SLIT3: variants seen among roughly 807,000 people sequenced by gnomAD.
The protein encoded by SLIT3 is slit homolog 3 protein.
Under a neutral mutation model 184.0 loss-of-function variants are expected in SLIT3, and 68 were observed. The ratio of observed to expected loss-of-function variants is 0.37; its 90% CI spans 0.30 to 0.45. The LOEUF is 0.45. Ranked by LOEUF, SLIT3 falls within the 20% of genes least tolerant of loss-of-function variation. The pLI, the probability that SLIT3 is intolerant of heterozygous loss-of-function variation, is 1.00. For missense variants in SLIT3, 1,707 were observed against 2,026.0 expected (o/e 0.84, Z 3.02); for synonymous variants, 831 against 828.6 (o/e 1.00, Z -0.05).
At chr5:169,223,972 G>C (rs1206866836) in intron 3 of SLIT3, among the ~76,000 whole-genome samples, 2 of 152,188 alleles carry the variant, frequency 1.3e-5, no homozygotes, top group Non-Finnish European at 1.5e-5. Context: ...GTACACAAAA[G>C]AAACAGGCTT....
intron 17 of SLIT3, 69 bp from the exon 18 acceptor site, chr5:168,753,167 GGTGT>G (rs376176223): frequency 9.1e-6 from 14 of 1,532,918 alleles, no homozygotes; most frequent in East Asian, 2.3e-5. Flanking sequence ...GTGCCACGGT[GGTGT>G]GTGTGTGTGT....
intron 4 of SLIT3, among the ~76,000 whole-genome samples, chr5:169,135,931 G>A (rs537476158): frequency 1.1e-4 from 17 of 152,288 alleles, no homozygotes; most frequent in African/African-American, 3.6e-4. Context: ...TCACCATCTC[G>A]TCCTGTCTCT....
At chr5:168,718,735 CTCTCTCTCTCTCTT>C (rs921881491) in intron 23 of SLIT3, among the ~76,000 whole-genome samples, 7 of 150,252 alleles carry the variant, frequency 4.7e-5, no homozygotes, top group Non-Finnish European at 5.9e-5. Context: ...CACACATTCT[CTCTCTCTCTCTCTT>C]TCTCTCTCTC....
At chr5:168,883,550 C>G (rs753990634) in intron 4 of SLIT3, among the ~76,000 whole-genome samples, 19 of 152,222 alleles carry the variant, frequency 1.2e-4, no homozygotes, top group African/African-American at 4.1e-4. Flanking sequence ...CGGAGCAGCT[C>G]GCCTCCAGGG....
chr5:169,187,568 T>TAC (rs1561724290), intron 4 of SLIT3, among the ~76,000 whole-genome samples: 43 of 95,386 alleles, frequency 4.5e-4, no homozygotes, highest in African/African-American at 1.8e-3. Context: ...TCTTTTTTTT[T>TAC]TTTTTTGAGA....
intron 4 of SLIT3, among the ~76,000 whole-genome samples, chr5:168,930,728 C>T (rs1323120718): frequency 6.6e-6 from 1 of 152,000 alleles, no homozygotes; most frequent in African/African-American, 2.4e-5. Flanking sequence ...CTGGAGAGCG[C>T]TTGGCAGCTG....
intron 1 of SLIT3, among the ~76,000 whole-genome samples, chr5:169,279,944 G>A (rs976637379): frequency 2.6e-5 from 4 of 152,218 alleles, no homozygotes; most frequent in East Asian, 1.9e-4. Context: ...CAGTCACCAC[G>A]CTTGCTTTTG....
intron 3 of SLIT3, among the ~76,000 whole-genome samples, chr5:169,234,618 G>A (rs550707126): frequency 6.6e-6 from 1 of 152,186 alleles, no homozygotes; most frequent in East Asian, 1.9e-4. Context: ...AGGTTGGCCA[G>A]GCTGGTCTGG....
At chr5:168,801,155 T>A (rs537026392) in intron 9 of SLIT3, among the ~76,000 whole-genome samples, 56 of 152,228 alleles carry the variant, frequency 3.7e-4, no homozygotes, top group Non-Finnish European at 5.9e-4. Context: ...AGCTTCTCCT[T>A]CGTACCACCT....
At chr5:169,118,505 G>C (rs1377308886) in intron 4 of SLIT3, among the ~76,000 whole-genome samples, 1 of 152,178 alleles carries the variant, frequency 6.6e-6, no homozygotes, top group Non-Finnish European at 1.5e-5. Flanking sequence ...TTGAGTTACT[G>C]GTTTTGTTCT....
chr5:168,784,096 G>GCACA (rs144638355), intron 12 of SLIT3, among the ~76,000 whole-genome samples: 5 of 150,878 alleles, frequency 3.3e-5, no homozygotes, highest in South Asian at 2.1e-4. Context: ...TTTCCTTCCT[G>GCACA]CACACACACA....
chr5:168,801,883 C>T (rs1039676812), intron 9 of SLIT3, among the ~76,000 whole-genome samples: 1 of 151,938 alleles, frequency 6.6e-6, no homozygotes, highest in African/African-American at 2.4e-5. Context: ...GCACACACTC[C>T]TCTGAGCTGC....
intron 1 of SLIT3, among the ~76,000 whole-genome samples, chr5:169,298,871 C>G (rs1767594404): frequency 6.6e-6 from 1 of 152,298 alleles, no homozygotes; most frequent in South Asian, 2.1e-4. Context: ...TACATATACA[C>G]AAATCAAGGC....
intron 6 of SLIT3, among the ~76,000 whole-genome samples, chr5:168,833,784 C>T (rs1197669068): frequency 6.6e-6 from 1 of 152,192 alleles, no homozygotes; most frequent in Non-Finnish European, 1.5e-5. Context: ...CGAATTTTTC[C>T]TATGGCTGTG....
chr5:168,981,227 C>T lies in SLIT3; in HGVS notation c.414-97891G>A, dbSNP rs555888446. Among the ~76,000 whole-genome samples the T allele has an allele frequency of 1.1e-4, 16 of 152,264 alleles. No homozygotes were observed. In the East Asian group the frequency reaches 1.3e-3, roughly 13 times the overall value. On this transcript the variant is annotated intron_variant, in intron 4 of 35. Coordinates refer to ENST00000519560, the MANE Select transcript of SLIT3 (RefSeq NM_003062.4). ...TTTGTGTAGCATGTAATTTGGACCA[C>T]GTGTCAGTTTATTCATTAATATGCA...
At chr5:168,807,678 A>G (rs1364758654) in intron 8 of SLIT3, among the ~76,000 whole-genome samples, 4 of 152,154 alleles carry the variant, frequency 2.6e-5, no homozygotes, top group African/African-American at 4.8e-5. Context: ...CTGCTTGGAC[A>G]TGGGGCCTCT....
chr5:168,775,715 C>T (rs1455729296), intron 12 of SLIT3, among the ~76,000 whole-genome samples: 3 of 152,160 alleles, frequency 2.0e-5, no homozygotes, highest in East Asian at 1.9e-4. Context: ...TCAAGGGTCT[C>T]ACTTCTCTAA....
At chr5:168,748,117 C>G (rs762301769) in intron 20 of SLIT3, among the ~76,000 whole-genome samples, 185 bp downstream of exon 20, 1 of 152,152 alleles carries the variant, frequency 6.6e-6, no homozygotes, top group Non-Finnish European at 1.5e-5. Context: ...TTCCTGTGCC[C>G]TTGTCAAAGC....
chr5:168,978,746 G>C (rs1054209252), intron 4 of SLIT3, among the ~76,000 whole-genome samples: 2 of 152,134 alleles, frequency 1.3e-5, no homozygotes, highest in Non-Finnish European at 2.9e-5. Context: ...TTTCAAAACA[G>C]GATATGAAAC....
Sources: allele counts gnomAD v4.1 joint callset (sites outside exome capture counted in the v4.1 genomes callset), GRCh38; gene constraint gnomAD v4.1.1; transcripts MANE v1.5; gene names NCBI Gene and HGNC (gene_info 2026-07-23, HGNC 2026-07-21).